Variants in GRIA4 observed in about 807,000 individuals in gnomAD.
GRIA4 encodes glutamate ionotropic receptor AMPA type subunit 4.
In GRIA4, 34 loss-of-function variants were observed where a neutral mutation model predicts 104.0. The ratio of observed to expected loss-of-function variants is 0.33; its 90% confidence interval spans 0.25 to 0.44. The LOEUF is 0.44. Ranked by LOEUF, GRIA4 falls within the 20% of genes least tolerant of loss-of-function variation. The pLI is 1.00. For synonymous variants in GRIA4, 386 were observed against 381.9 expected (o/e 1.01, Z -0.13); for missense variants, 750 against 1,096.5 (o/e 0.68, Z 4.46).
chr11:105,924,339 T>C (rs3758795), intron 11 of GRIA4, 60 bp from the exon 12 acceptor site: 117,392 of 1,289,296 alleles, frequency 0.091, 6,264 homozygotes, highest in Admixed American at 0.22. Context: ...ATCATTCCAG[T>C]GCTAATTGCT....
chr11:105,646,390 C>A (rs991858466), intron 3 of GRIA4, among the ~76,000 whole-genome samples: 12 of 152,128 alleles, frequency 7.9e-5, no homozygotes, highest in Admixed American at 4.6e-4. Flanking sequence ...CCCAGGAGTT[C>A]GATACCAGCC....
At position 105,611,063 on chromosome 11, in the gene GRIA4, C is replaced by T. The variant is rs141859933; in HGVS notation, c.66C>T (p.Ala22=). The T allele has an allele frequency of 6.2e-7, 1 of 1,613,128 alleles. No individual in the cohort carries two copies. The highest frequency in any genetic ancestry group is 8.5e-7 in the Non-Finnish European group (1 of 1,179,390). The change falls in exon 2 of 17, where the codon GCC becomes GCT. Residue 22 remains alanine, a synonymous_variant. Coordinates refer to ENST00000282499, the MANE Select transcript of GRIA4 (RefSeq NM_000829.4). ...GATTTTGGGGACTCGCCATGGGAGCCTTTCCGAGCAGCGTGCAAATAGGTA... is the reference window on the plus strand; with the variant it reads ...GATTTTGGGGACTCGCCATGGGAGCTTTTCCGAGCAGCGTGCAAATAGGTA... ...FSGFWGLAMG[A]FPSSVQIGGL... is the part of the protein sequence containing the mutation.
intron 3 of GRIA4, among the ~76,000 whole-genome samples, chr11:105,628,807 T>A (rs1342367370): frequency 6.6e-6 from 1 of 152,202 alleles, no homozygotes; most frequent in Non-Finnish European, 1.5e-5. Context: ...ATAATCCTCA[T>A]TTAACAGAAT....
intron 4 of GRIA4, among the ~76,000 whole-genome samples, chr11:105,832,480 AC>A (rs1944011286): frequency 6.6e-6 from 1 of 151,748 alleles, no homozygotes; most frequent in Non-Finnish European, 1.5e-5. Flanking sequence ...ATGTTCACTT[AC>A]TTTATCTAAT....
chr11:105,948,838 A>G (rs1044832703), intron 14 of GRIA4, among the ~76,000 whole-genome samples: 6 of 151,798 alleles, frequency 4.0e-5, no homozygotes, highest in African/African-American at 1.2e-4. Flanking sequence ...TGATCCGCCC[A>G]CCTCGGCCTC....
At chr11:105,904,493 T>C (rs1946974299) in intron 8 of GRIA4, among the ~76,000 whole-genome samples, 1 of 152,194 alleles carries the variant, frequency 6.6e-6, no homozygotes, top group Non-Finnish European at 1.5e-5. Context: ...TCAGGAAGTA[T>C]AAGCCCACTT....
chr11:105,648,474 C>G (rs868754038), intron 3 of GRIA4, among the ~76,000 whole-genome samples: 1 of 150,474 alleles, frequency 6.6e-6, no homozygotes, highest in Admixed American at 6.6e-5. Flanking sequence ...ATGCTTTATA[C>G]GCTAAAGTTT....
chr11:105,811,988 G>T (rs1411973429), intron 4 of GRIA4, among the ~76,000 whole-genome samples: 2 of 152,168 alleles, frequency 1.3e-5, no homozygotes, highest in African/African-American at 2.4e-5. Flanking sequence ...AAAGGAATCT[G>T]CAGACCGTGA....
At chr11:105,885,553 T>C (rs1946225233) in intron 5 of GRIA4, among the ~76,000 whole-genome samples, 1 of 152,192 alleles carries the variant, frequency 6.6e-6, no homozygotes, top group Non-Finnish European at 1.5e-5. Flanking sequence ...GTAGGCTGAT[T>C]GGTCATTTAA....
chr11:105,637,434 C>A (rs892876888), intron 3 of GRIA4, among the ~76,000 whole-genome samples: 1 of 150,454 alleles, frequency 6.6e-6, no homozygotes, highest in Non-Finnish European at 1.5e-5. Flanking sequence ...TGAATTATCT[C>A]AGGAAATAGG....
intron 10 of GRIA4, among the ~76,000 whole-genome samples, chr11:105,913,748 A>C (rs1162773309): frequency 6.6e-6 from 1 of 151,998 alleles, no homozygotes; most frequent in Non-Finnish European, 1.5e-5. Context: ...TTTTTCCCCA[A>C]AGCTTTACTA....
At chr11:105,751,476 G>A (rs1197781264) in intron 3 of GRIA4, among the ~76,000 whole-genome samples, 1 of 152,132 alleles carries the variant, frequency 6.6e-6, no homozygotes, top group Non-Finnish European at 1.5e-5. Flanking sequence ...TATCTTGCAA[G>A]AAAATTACAG....
chr11:105,795,131 G>A (rs1211252958), intron 4 of GRIA4, among the ~76,000 whole-genome samples: 4 of 152,062 alleles, frequency 2.6e-5, no homozygotes, highest in African/African-American at 9.7e-5. Flanking sequence ...TGCATAACTG[G>A]TTACTTTTGT....
chr11:105,939,753 T>A (rs1948137058), intron 14 of GRIA4, among the ~76,000 whole-genome samples: 1 of 152,178 alleles, frequency 6.6e-6, no homozygotes, highest in Non-Finnish European at 1.5e-5. Context: ...CAATTTATCT[T>A]CAGAACAGCA....
chr11:105,800,427 G>A (rs1465123554), intron 4 of GRIA4, among the ~76,000 whole-genome samples: 1 of 152,018 alleles, frequency 6.6e-6, no homozygotes, highest in East Asian at 1.9e-4. Context: ...CTTAAAGTGT[G>A]GCTGTGAAGA....
chr11:105,696,379 G>A (rs1170579765), intron 3 of GRIA4, among the ~76,000 whole-genome samples: 2 of 152,132 alleles, frequency 1.3e-5, no homozygotes, highest in South Asian at 2.1e-4. Context: ...GTATATCACA[G>A]AGGCTAACAA....
chr11:105,955,275 C>G (rs1948557481), intron 14 of GRIA4, among the ~76,000 whole-genome samples: 1 of 152,028 alleles, frequency 6.6e-6, no homozygotes, highest in African/African-American at 2.4e-5. Context: ...TCCCCTCACC[C>G]CCAACCCTCC....
chr11:105,776,853 A>C (rs1014579321), intron 4 of GRIA4, among the ~76,000 whole-genome samples: 7 of 152,198 alleles, frequency 4.6e-5, no homozygotes, highest in Admixed American at 3.9e-4. Flanking sequence ...CCACCAGTTT[A>C]AAACAAAAAT....
At chr11:105,757,286 GT>G (rs1228869784) in intron 4 of GRIA4, among the ~76,000 whole-genome samples, 9 of 152,088 alleles carry the variant, frequency 5.9e-5, no homozygotes, top group African/African-American at 2.2e-4. Context: ...AAAGGGAGGC[GT>G]GTGCCTATCC....
Sources: allele counts gnomAD v4.1 joint callset (sites outside exome capture counted in the v4.1 genomes callset), GRCh38; gene constraint gnomAD v4.1.1; transcripts MANE v1.5; gene names NCBI Gene and HGNC (gene_info 2026-07-23, HGNC 2026-07-21).